Variants in CLPB observed in about 807,000 individuals in gnomAD.
CLPB encodes ClpB family mitochondrial disaggregase, also known as mitochondrial disaggregase.
A neutral mutation model predicts 78.4 loss-of-function variants in CLPB; 40 were observed. The ratio of observed to expected loss-of-function variants is 0.51; its 90% confidence interval spans 0.40 to 0.66. CLPB has a LOEUF of 0.66. Among genes scored for constraint, CLPB ranks in the 30% least tolerant of loss-of-function variants. The pLI, the probability that CLPB is intolerant of heterozygous loss-of-function variation, is 0.00. For missense variants in CLPB, 780 were observed against 886.9 expected (o/e 0.88, Z 1.53); for synonymous variants, 333 against 348.0 (o/e 0.96, Z 0.48).
Position 72,430,366 on chromosome 11 carries a change from GA to G in CLPB, c.404-4del. Reference sequence around the variant, plus strand: ...GGCAGCTTCCAACAGGGCTGCATCTGAAGAGAAAGGGGGCACTGGTCAGATC... The same window carrying G: ...GGCAGCTTCCAACAGGGCTGCATCTGAGAGAAAGGGGGCACTGGTCAGATC... On this transcript the variant is annotated splice_polypyrimidine_tract_variant and splice_region_variant and intron_variant, in intron 1 of 15. Coordinates refer to ENST00000538039, the MANE Select transcript of CLPB (RefSeq NM_001258392.3). 1 of 1,612,832 alleles carries G rather than the reference GA, an allele frequency of 6.2e-7. No homozygotes were observed. The highest frequency in any genetic ancestry group is 8.5e-7 in the Non-Finnish European group (1 of 1,179,738).
At chr11:72,418,868 A>AAAAAAG (rs1856102981) in intron 2 of CLPB, among the ~76,000 whole-genome samples, 1 of 151,700 alleles carries the variant, frequency 6.6e-6, no homozygotes, top group African/African-American at 2.4e-5. Flanking sequence ...AAAAAAAAAA[A>AAAAAAG]AAAAGAAAAG....
intron 3 of CLPB, among the ~76,000 whole-genome samples, chr11:72,384,787 A>C (rs369172961): frequency 6.6e-6 from 1 of 152,224 alleles, no homozygotes; most frequent in Non-Finnish European, 1.5e-5. Flanking sequence ...CCAAACTGTA[A>C]AAAGAGACAA....
At chr11:72,338,815 A>G (rs1950367872) in intron 5 of CLPB, among the ~76,000 whole-genome samples, 1 of 152,248 alleles carries the variant, frequency 6.6e-6, no homozygotes, top group African/African-American at 2.4e-5. Context: ...AAGCCAAGTC[A>G]TGCCAGACTA....
intron 4 of CLPB, among the ~76,000 whole-genome samples, chr11:72,366,419 G>A (rs117162202): frequency 0.032 from 4,826 of 151,918 alleles, 120 homozygotes; most frequent in Non-Finnish European, 0.04. Context: ...TCTAAAACAG[G>A]GTTTCACCAT....
At chr11:72,326,191 T>C (rs1290195562) in intron 6 of CLPB, among the ~76,000 whole-genome samples, 2 of 152,204 alleles carry the variant, frequency 1.3e-5, no homozygotes, top group South Asian at 2.1e-4. Flanking sequence ...TATATCATTG[T>C]TATAATTAAT....
At chr11:72,368,430 A>C (rs1416115923) in intron 4 of CLPB, among the ~76,000 whole-genome samples, 1 of 152,216 alleles carries the variant, frequency 6.6e-6, no homozygotes, top group East Asian at 1.9e-4. Context: ...ACTGGCAGTC[A>C]CTGACTGAGC....
chr11:72,427,865 T>C (rs974747226), intron 2 of CLPB, among the ~76,000 whole-genome samples: 18 of 152,204 alleles, frequency 1.2e-4, no homozygotes, highest in African/African-American at 1.7e-4. Flanking sequence ...TGTCCTGCTA[T>C]AGGCAGGTCT....
chr11:72,316,832 A>G (rs1949951410), intron 7 of CLPB, among the ~76,000 whole-genome samples: 2 of 152,174 alleles, frequency 1.3e-5, no homozygotes, highest in South Asian at 4.1e-4. Context: ...AATTCTATGC[A>G]TAGGAAAGCA....
At chr11:72,302,190 C>A in intron 10 of CLPB, 114 bp downstream of exon 10, 2 of 1,194,578 alleles carry the variant, frequency 1.7e-6, no homozygotes, top group Non-Finnish European at 2.5e-6. Context: ...CCTGTGCTCC[C>A]AACGACAAAT....
chr11:72,426,864 G>A (rs764263176), intron 2 of CLPB, among the ~76,000 whole-genome samples: 63 of 152,100 alleles, frequency 4.1e-4, no homozygotes, highest in Non-Finnish European at 7.6e-4. Context: ...TCTCCAACCT[G>A]ACCTCCAGCT....
chr11:72,406,707 G>A (rs1855719622), intron 2 of CLPB, among the ~76,000 whole-genome samples: 2 of 152,204 alleles, frequency 1.3e-5, no homozygotes, highest in Non-Finnish European at 2.9e-5. Flanking sequence ...CAGCAAAGCT[G>A]GCTCTAGGCA....
intron 2 of CLPB, among the ~76,000 whole-genome samples, chr11:72,426,362 G>T (rs746412910): frequency 6.6e-6 from 1 of 151,872 alleles, no homozygotes; most frequent in Non-Finnish European, 1.5e-5. Flanking sequence ...CCTCTAGTCT[G>T]CCTTGTGCCC....
intron 5 of CLPB, chr11:72,355,310 G>A (rs1479844698): frequency 6.6e-6 from 1 of 152,236 alleles, no homozygotes; most frequent in African/African-American, 2.4e-5. Context: ...AGAAAACAGG[G>A]AACATGATGG....
chr11:72,294,577 C>G, intron 13 of CLPB, 43 bp downstream of exon 13: 1 of 1,607,822 alleles, frequency 6.2e-7, no homozygotes, highest in South Asian at 1.1e-5. Flanking sequence ...CACCCTCCCC[C>G]AACCTTAGGC....
rs118089225 is a variant in CLPB, at chr11:72,307,428, C to T, written c.1067-174G>A. On this transcript the variant is annotated intron_variant, in intron 8 of 15. Coordinates refer to ENST00000538039, the MANE Select transcript of CLPB (RefSeq NM_001258392.3). Reference sequence around the variant, plus strand: ...GTCACCTAGGGAGTTAATGGTGAAGCTGGGACCAAAATCAAAGTCTGCACC... The same window carrying T: ...GTCACCTAGGGAGTTAATGGTGAAGTTGGGACCAAAATCAAAGTCTGCACC... Among the ~76,000 whole-genome samples, 4,258 of 152,260 alleles carry T rather than the reference C, an allele frequency of 0.028. 100 individuals are homozygous for T. The highest frequency in any genetic ancestry group is 0.038 in the Non-Finnish European group (2,574 of 68,018).
intron 5 of CLPB, among the ~76,000 whole-genome samples, chr11:72,337,286 T>C (rs553006514): frequency 3.3e-4 from 51 of 152,318 alleles, no homozygotes; most frequent in Non-Finnish European, 5.4e-4. Context: ...CACTTGCAGA[T>C]ATGCCCCCGC....
chr11:72,404,390 T>C (rs75424768), intron 2 of CLPB, among the ~76,000 whole-genome samples: 221 of 152,320 alleles, frequency 1.5e-3, no homozygotes, highest in African/African-American at 2.0e-3. Context: ...CCACGATCTA[T>C]AGTAAATGTC....
intron 5 of CLPB, among the ~76,000 whole-genome samples, chr11:72,342,376 T>C (rs570382162): frequency 6.9e-4 from 105 of 152,310 alleles, no homozygotes; most frequent in Non-Finnish European, 1.3e-3. Context: ...AATGCAAAGC[T>C]AACGTAGAGG....
At position 72,301,930 on chromosome 11, in the gene CLPB, A is replaced by T. The variant is rs138691107; in HGVS notation, c.1202T>A (p.Val401Asp). ...AKFIGSPPGYVGHEEGGQLTK... is the reference protein window; with the variant it reads ...AKFIGSPPGYDGHEEGGQLTK... Reference sequence around the variant, plus strand: ...CAGCTGGCCACCCTCCTCATGGCCAACGTAGCCTGGTGGAGACCCAATAAA... The same window carrying T: ...CAGCTGGCCACCCTCCTCATGGCCATCGTAGCCTGGTGGAGACCCAATAAA... The change falls in exon 11 of 16, where the codon GTT becomes GAT. Residue 401 changes from valine to aspartate, a missense_variant. Physicochemically the swap from Val to Asp is radical, Grantham distance 152. Coordinates refer to ENST00000538039, the MANE Select transcript of CLPB (RefSeq NM_001258392.3). 1 of 1,614,200 alleles carries T rather than the reference A, an allele frequency of 6.2e-7. No individual in the cohort carries two copies. The highest frequency in any genetic ancestry group is 8.5e-7 in the Non-Finnish European group (1 of 1,180,040).
Sources: gnomAD v4.1 joint callset for allele counts (sites outside exome capture counted in the v4.1 genomes callset) on GRCh38, gnomAD v4.1.1 for gene constraint, MANE v1.5 for transcripts, NCBI Gene and HGNC (gene_info 2026-07-23, HGNC 2026-07-21) for gene names.